PRR12: variants seen among roughly 807,000 people sequenced by gnomAD.
PRR12 encodes proline rich 12, also known as proline-rich protein 12.
A neutral mutation model predicts 138.0 loss-of-function variants in PRR12; 12 were observed. That is an observed-to-expected ratio of 0.09 (90% CI 0.06 to 0.14). The LOEUF (loss-of-function observed/expected upper bound fraction) is 0.14, where lower values mean the gene tolerates loss of function less well. Ranked by LOEUF, PRR12 falls within the 10% of genes least tolerant of loss-of-function variation. The pLI, the probability that PRR12 is intolerant of heterozygous loss-of-function variation, is 1.00. For missense variants in PRR12, 2,692 were observed against 2,861.3 expected (o/e 0.94, Z 1.35); for synonymous variants, 1,567 against 1,291.7 (o/e 1.21, Z -4.57).
chr19:49,617,388 G>C (rs1183585712), intron 9 of PRR12, among the ~76,000 whole-genome samples: 9 of 152,168 alleles, frequency 5.9e-5, no homozygotes. Flanking sequence ...TTCACTTTGG[G>C]AGGCTGAGGT....
Position 49,594,387 on chromosome 19 carries a change from C to A in PRR12, c.200-67C>A, listed in dbSNP as rs944214789. 5.1e-5 allele frequency: 74 copies of A among 1,451,754 alleles called. No homozygotes were observed. Among genetic ancestry groups the A allele is most frequent in the Non-Finnish European group, 6.8e-5 (73 of 1,080,788 alleles). The allele number at this position is 1,451,754 out of a possible 1,614,324, so 89.9% of individuals were successfully genotyped here. ...TGATCCAACTTGCTTTTGGCCTCTT[C>A]CCTTTCTCTCTTGACTGTATCCTAC... On this transcript the variant is annotated intron_variant, in intron 2 of 13. Coordinates refer to ENST00000418929, the MANE Select transcript of PRR12 (RefSeq NM_020719.3). The surrounding 1 kb of genome is among the most constrained non-coding windows in gnomAD (Gnocchi z 5.6).
Position 49,614,097 on chromosome 19 carries a change from A to C in PRR12, c.4774-436A>C, listed in dbSNP as rs1169790001. On this transcript the variant is annotated intron_variant, in intron 6 of 13. Transcript: ENST00000418929. The surrounding 1 kb of genome is among the most constrained non-coding windows in gnomAD (Gnocchi z 5.0). ...GCACTCCAACCTGGGCAACAAGAGCAAAACTCCGTCTCAAAAAAAGAAAAA... is the reference window on the plus strand; with the variant it reads ...GCACTCCAACCTGGGCAACAAGAGCCAAACTCCGTCTCAAAAAAAGAAAAA... Among the ~76,000 whole-genome samples, 1 of 152,196 alleles carries C rather than the reference A, an allele frequency of 6.6e-6. No individual in the cohort carries two copies. The highest frequency in any genetic ancestry group is 1.5e-5 in the Non-Finnish European group (1 of 68,038).
Position 49,614,843 on chromosome 19 carries a change from A to C in PRR12, c.4891-33A>C. On this transcript the variant is annotated intron_variant, in intron 7 of 13. Coordinates refer to ENST00000418929, the MANE Select transcript of PRR12 (RefSeq NM_020719.3). This position sits in a 1 kb window ranked among gnomAD's most constrained non-coding sequence, Gnocchi z 5.0. Reference sequence around the variant, plus strand: ...TTGGCCATCTGGCTGGGCAGTGTGAAGAATTTCCTCATGTGCCTCTTTCTC... The same window carrying C: ...TTGGCCATCTGGCTGGGCAGTGTGACGAATTTCCTCATGTGCCTCTTTCTC... 1 of 1,613,804 alleles carries C rather than the reference A, an allele frequency of 6.2e-7. No individual in the cohort carries two copies. The highest frequency in any genetic ancestry group is 1.1e-5 in the South Asian group (1 of 91,086).
In PRR12 at chr19:49,591,475, C is replaced by T. The variant is rs1461409792; in HGVS notation, c.-180C>T. Among the ~76,000 whole-genome samples the T allele has an allele frequency of 4.7e-5, 7 of 149,666 alleles. No homozygotes were observed. The highest frequency in any genetic ancestry group is 1.0e-4 in the Non-Finnish European group (7 of 66,830). On this transcript the variant is annotated 5_prime_UTR_variant, in exon 1 of 14. Coordinates refer to ENST00000418929, the MANE Select transcript of PRR12 (RefSeq NM_020719.3). ...CCTTGCCCGCCCCTCCGCCCCTGCC[C>T]CCTCCCTCCCCCGCCCGGGGCCTTC...
At chr19:49,603,889 C>T (rs1018773525) in intron 6 of PRR12, among the ~76,000 whole-genome samples, 3 of 151,890 alleles carry the variant, frequency 2.0e-5, no homozygotes, top group Admixed American at 6.6e-5. Flanking sequence ...GACGCAATCT[C>T]GGCTTACTGC....
At chr19:49,605,325 C>T (rs937765320) in intron 6 of PRR12, among the ~76,000 whole-genome samples, 9 of 151,726 alleles carry the variant, frequency 5.9e-5, no homozygotes, top group Admixed American at 2.6e-4. Context: ...TACAATGGTG[C>T]GATCTCGGCT....
Position 49,596,492 on chromosome 19 carries a change from G to A in PRR12, c.2157G>A (p.Glu719=). The change falls in exon 4 of 14, where the codon GAG becomes GAA. Residue 719 remains glutamate (E), a synonymous_variant. Transcript: ENST00000418929. The surrounding 1 kb of genome is among the most constrained non-coding windows in gnomAD (Gnocchi z 5.6). The part of the protein sequence containing the change: ...SLDEGATAAL[E]LGLGRLKEKK... ...ATGAGGGTGCCACTGCGGCACTGGA[G>A]CTGGGCCTGGGGAGGCTGAAGGAGA... 1 of 1,610,624 alleles carries A rather than the reference G, an allele frequency of 6.2e-7. No homozygotes were observed. The highest frequency in any genetic ancestry group is 8.5e-7 in the Non-Finnish European group (1 of 1,179,130).
intron 11 of PRR12, 184 bp downstream of exon 11, chr19:49,621,806 C>T: frequency 1.7e-6 from 1 of 588,906 alleles, no homozygotes; most frequent in East Asian, 2.8e-5. Context: ...CCATGAAGCC[C>T]ATGTGGGGAG....
intron 1 of PRR12, among the ~76,000 whole-genome samples, chr19:49,593,116 C>T (rs2080740347): frequency 1.3e-5 from 2 of 152,188 alleles, no homozygotes; most frequent in African/African-American, 4.8e-5. Flanking sequence ...TCTCTTTATT[C>T]GGGCTCTGGA....
rs550417146 is a variant in PRR12, at chr19:49,595,247, G to A, written c.912G>A (p.Pro304=). 3.7e-4 allele frequency: 357 copies of A among 965,530 alleles called. 1 individual carries two copies. The highest frequency in any genetic ancestry group is 1.7e-3 in the South Asian group (125 of 72,052). 59.8% of individuals were successfully genotyped at this position (965,530 alleles called of 1,614,324 possible). A position where few individuals can be genotyped will look rare whatever the true frequency, so the allele number is the denominator to read the frequency against. ...RPASAQPPPP[P]PPAHALQHYL... is the part of the protein sequence containing the mutation. ...CCAGTGCCCAGCCCCCACCACCCCC[G>A]CCACCAGCCCATGCGCTCCAGCACT... Residue 304 remains proline (P), a synonymous_variant, in exon 4 of 14, where the codon CCG becomes CCA. Coordinates refer to ENST00000418929, the MANE Select transcript of PRR12 (RefSeq NM_020719.3).
intron 1 of PRR12, 143 bp downstream of exon 1, chr19:49,591,883 G>A (rs2080730446): frequency 8.7e-6 from 4 of 459,168 alleles, no homozygotes; most frequent in Non-Finnish European, 1.5e-5. Flanking sequence ...TCCTCGGTTT[G>A]TAACAACGCC....
At chr19:49,617,345 G>T (rs995156599) in intron 9 of PRR12, among the ~76,000 whole-genome samples, 1 of 151,912 alleles carries the variant, frequency 6.6e-6, no homozygotes, top group Non-Finnish European at 1.5e-5. Flanking sequence ...TTAAAGATGG[G>T]GGCTGGGTGT....
chr19:49,593,726 A>G (rs945600364), intron 2 of PRR12, among the ~76,000 whole-genome samples: 4 of 151,144 alleles, frequency 2.6e-5, no homozygotes, highest in African/African-American at 7.3e-5. Flanking sequence ...CCTCTCCCCA[A>G]CCCACCCCAA....
At position 49,621,604 on chromosome 19, in the gene PRR12, G is replaced by A. The variant is rs780582166; in HGVS notation, c.5703G>A (p.Ser1901=). ...EHKKKVLKRL[S]LSPALQDALH... Reference sequence around the variant, plus strand: ...AGAAGAAAGTCCTGAAGCGGCTGTCGCTAAGCCCAGCCCTGCAGGTGCCTG... The same window carrying A: ...AGAAGAAAGTCCTGAAGCGGCTGTCACTAAGCCCAGCCCTGCAGGTGCCTG... The change falls in exon 11 of 14, where the codon TCG becomes TCA. Residue 1901 remains serine, a synonymous_variant. Coordinates refer to ENST00000418929, the MANE Select transcript of PRR12 (RefSeq NM_020719.3). 7.3e-5 allele frequency: 117 copies of A among 1,594,560 alleles called. No individual in the cohort carries two copies. Among genetic ancestry groups the A allele is most frequent in the Non-Finnish European group, 9.4e-5 (110 of 1,171,386 alleles).
chr19:49,621,465 C>A (rs2080923196), intron 10 of PRR12, 60 bp from the exon 11 acceptor site: 2 of 1,362,188 alleles, frequency 1.5e-6, no homozygotes, highest in South Asian at 1.2e-5. Flanking sequence ...CATGACCCCA[C>A]CTTGGCCCCA....
chr19:49,592,664 G>A (rs2080736652), intron 1 of PRR12, among the ~76,000 whole-genome samples: 1 of 152,228 alleles, frequency 6.6e-6, no homozygotes, highest in Non-Finnish European at 1.5e-5. Flanking sequence ...TTCCCCACGG[G>A]TGAGTTGGAT....
At chr19:49,601,982 C>T (rs6509439) in intron 6 of PRR12, 64 bp downstream of exon 6, 516,762 of 1,545,260 alleles carry the variant, frequency 0.33, 92,483 homozygotes, top group African/African-American at 0.64. Flanking sequence ...GTTGAGTGCC[C>T]GCTGGATGAC....
In PRR12 at chr19:49,596,630, GC is replaced by G; in HGVS notation, c.2300del (p.Pro767HisfsTer133). ...GGGCCTTCTTGCAAAAGAGCCCTCC[GC>G]CCCCACCTCCCACGGCCCAGTCTAC... Reference protein sequence around the residue: ...LGAFLQKSPPPPPPTAQSTQP... With the variant: ...LGAFLQKSPPXPPPTAQSTQP... On this transcript the variant is annotated frameshift_variant, in exon 4 of 14. Transcript: ENST00000418929. LOFTEE classifies it high-confidence loss of function. This position sits in a 1 kb window ranked among gnomAD's most constrained non-coding sequence, Gnocchi z 5.6. 6.3e-7 allele frequency: 1 copy of G among 1,592,912 alleles called. No homozygotes were observed. The highest frequency in any genetic ancestry group is 8.5e-7 in the Non-Finnish European group (1 of 1,170,774).
At chr19:49,602,187 T>C (rs541289998) in intron 6 of PRR12, among the ~76,000 whole-genome samples, 1 of 152,310 alleles carries the variant, frequency 6.6e-6, no homozygotes. Flanking sequence ...GTTACCTGTA[T>C]ATAAGGTGAA....
Sources: gnomAD v4.1 joint callset for allele counts (sites outside exome capture counted in the v4.1 genomes callset) on GRCh38, gnomAD v4.1.1 for gene constraint, Gnocchi (gnomAD v3.1) non-coding constraint, MANE v1.5 for transcripts, NCBI Gene and HGNC (gene_info 2026-07-23, HGNC 2026-07-21) for gene names.